The following PRIM2 variants were observed in gnomAD, a reference collection of about 807,000 sequenced individuals.
PRIM2 encodes DNA primase subunit 2.
A neutral mutation model predicts 67.3 loss-of-function variants in PRIM2; 39 were observed. The ratio of observed to expected loss-of-function variants is 0.58; its 90% CI spans 0.45 to 0.76. PRIM2 has a LOEUF of 0.76. Ranked by LOEUF, PRIM2 falls within the 30% of genes least tolerant of loss-of-function variation. PRIM2 has a pLI of 0.00. For synonymous variants in PRIM2, 143 were observed against 198.7 expected, an observed-to-expected ratio of 0.72 and a Z score of 2.36; for missense variants, 398 against 598.7, an observed-to-expected ratio of 0.66 and a Z score of 3.50.
chr6:57,369,465 G>C lies in PRIM2; in HGVS notation c.460-10436G>C, dbSNP rs531295670. ...ATGTGCTACCATTTGAAACATTCAG[G>C]TACTGACTGTTGAGTGGGTGGATAT... On this transcript the variant is annotated intron_variant, in intron 5 of 13. Coordinates refer to ENST00000615550, the MANE Select transcript of PRIM2 (RefSeq NM_000947.5). Among the ~76,000 whole-genome samples, 63 of 152,272 alleles carry C rather than the reference G, an allele frequency of 4.1e-4. 1 individual carries two copies. Among genetic ancestry groups the C allele is most frequent in the African/African-American group, 1.4e-3 (57 of 41,546 alleles).
intron 7 of PRIM2, among the ~76,000 whole-genome samples, chr6:57,434,142 C>G (rs541929899): frequency 2.2e-3 from 337 of 151,986 alleles, no homozygotes; most frequent in Non-Finnish European, 1.3e-3. Flanking sequence ...CAGGCTGGGT[C>G]TTGAACTCCT....
At chr6:57,340,780 A>T (rs1040113272) in intron 5 of PRIM2, among the ~76,000 whole-genome samples, 2 of 152,156 alleles carry the variant, frequency 1.3e-5, no homozygotes, top group African/African-American at 4.8e-5. Flanking sequence ...TGGGTGCAGC[A>T]CACCAGCATG....
At chr6:57,457,841 G>A (rs77015156) in intron 7 of PRIM2, among the ~76,000 whole-genome samples, 1 of 152,060 alleles carries the variant, frequency 6.6e-6, no homozygotes, top group Non-Finnish European at 1.5e-5. Flanking sequence ...CCGGTACCTC[G>A]GTTGGAAACG....
intron 7 of PRIM2, among the ~76,000 whole-genome samples, chr6:57,434,552 G>A (rs531137209): frequency 1.1e-4 from 16 of 152,044 alleles, no homozygotes; most frequent in African/African-American, 2.9e-4. Context: ...AGGAAGTTAC[G>A]TTTCTGAAGT....
chr6:57,502,913 G>T (rs1309959531), intron 7 of PRIM2, among the ~76,000 whole-genome samples: 11 of 152,166 alleles, frequency 7.2e-5, no homozygotes, highest in African/African-American at 2.7e-4. Context: ...TTAACAGAAG[G>T]TCTTGGATAT....
chr6:57,458,114 A>G (rs1562763991), intron 7 of PRIM2, among the ~76,000 whole-genome samples: 1 of 152,196 alleles, frequency 6.6e-6, no homozygotes, highest in Non-Finnish European at 1.5e-5. Flanking sequence ...ACTTATGTTG[A>G]AATAATAGAA....
chr6:57,273,744 C>G, the PRIM2 span, among the ~76,000 whole-genome samples: 7 of 152,110 alleles, frequency 4.6e-5, no homozygotes, highest in African/African-American at 1.7e-4. Flanking sequence ...TGTTTTTTCC[C>G]CATCTTTTTG....
chr6:57,277,706 G>A, the PRIM2 span, among the ~76,000 whole-genome samples: 6 of 152,094 alleles, frequency 3.9e-5, no homozygotes, highest in South Asian at 2.1e-4. Flanking sequence ...CTGGCCAGGC[G>A]CGGTGGCTTC....
At chr6:57,257,844 T>G in the PRIM2 span, among the ~76,000 whole-genome samples, 1 of 152,194 alleles carries the variant, frequency 6.6e-6, no homozygotes, top group East Asian at 1.9e-4. Flanking sequence ...TCATAGTGAA[T>G]TCTCCCTAAT....
At chr6:57,529,325 A>AG (rs1438521651) in intron 8 of PRIM2, among the ~76,000 whole-genome samples, 13 of 152,106 alleles carry the variant, frequency 8.5e-5, no homozygotes, top group African/African-American at 2.7e-4. Flanking sequence ...AAAAAAAAAA[A>AG]CAAAAAACCA....
intron 7 of PRIM2, among the ~76,000 whole-genome samples, chr6:57,421,430 G>A (rs1215464829): frequency 6.6e-6 from 1 of 152,106 alleles, no homozygotes; most frequent in Non-Finnish European, 1.5e-5. Flanking sequence ...TTGTTTTAAT[G>A]AAGCAACAGC....
intron 10 of PRIM2, among the ~76,000 whole-genome samples, chr6:57,591,647 T>C (rs1228258620): frequency 4.6e-5 from 7 of 152,270 alleles, no homozygotes; most frequent in South Asian, 2.1e-4. Flanking sequence ...TGTATCTGGC[T>C]GTTATTAAAA....
intron 12 of PRIM2, among the ~76,000 whole-genome samples, chr6:57,609,711 T>G (rs1378870590): frequency 1.3e-5 from 2 of 152,302 alleles, no homozygotes; most frequent in East Asian, 3.9e-4. Context: ...CATTGTAACC[T>G]TTTATCTGAG....
intron 7 of PRIM2, among the ~76,000 whole-genome samples, chr6:57,452,241 CAT>C (rs1255007391): frequency 1.3e-5 from 2 of 152,154 alleles, no homozygotes; most frequent in South Asian, 2.1e-4. Context: ...CCGCAATAAA[CAT>C]ATGTGTGCAT....
chr6:57,328,721 A>G (rs1767955950), intron 5 of PRIM2, among the ~76,000 whole-genome samples: 1 of 152,126 alleles, frequency 6.6e-6, no homozygotes, highest in African/African-American at 2.4e-5. Context: ...TCTGTGTTTA[A>G]ACTTTTGAGG....
chr6:57,335,478 GA>G (rs1768203659), intron 5 of PRIM2, among the ~76,000 whole-genome samples: 1 of 152,168 alleles, frequency 6.6e-6, no homozygotes, highest in African/African-American at 2.4e-5. Context: ...CAGCTTTGAA[GA>G]GAGCAGTGGT....
intron 7 of PRIM2, among the ~76,000 whole-genome samples, chr6:57,438,552 C>T (rs1581904960): frequency 6.6e-6 from 1 of 152,038 alleles, no homozygotes; most frequent in South Asian, 2.1e-4. Context: ...GTTATATTAC[C>T]TAAGCATTAA....
intron 3 of PRIM2, 52 bp downstream of exon 3, chr6:57,320,612 T>C: frequency 2.7e-6 from 3 of 1,102,188 alleles, no homozygotes; most frequent in Non-Finnish European, 3.9e-6. Flanking sequence ...ATTTATGTAT[T>C]GAGTGTCACT....
At chr6:57,308,576 T>A in the PRIM2 span, among the ~76,000 whole-genome samples, 7,634 of 152,308 alleles carry the variant, frequency 0.05, 620 homozygotes, top group African/African-American at 0.17. Context: ...TAAAGAGTCA[T>A]ATGTTTTCAA....
Sources: allele counts gnomAD v4.1 joint callset (sites outside exome capture counted in the v4.1 genomes callset), GRCh38; gene constraint gnomAD v4.1.1; transcripts MANE v1.5; gene names NCBI Gene and HGNC (gene_info 2026-07-23, HGNC 2026-07-21).